The following ITPR2 variants were observed in gnomAD, a reference collection of about 807,000 sequenced individuals.
The protein encoded by ITPR2 is inositol 1,4,5-trisphosphate receptor type 2, also known as inositol 1,4,5-trisphosphate-gated calcium channel ITPR2.
In ITPR2, 207 loss-of-function variants were observed where a neutral mutation model predicts 317.1. That is an observed-to-expected ratio of 0.65 (90% CI 0.58 to 0.73). The LOEUF (loss-of-function observed/expected upper bound fraction) is 0.73, where lower values mean the gene tolerates loss of function less well. Among genes scored for constraint, ITPR2 ranks in the 30% least tolerant of loss-of-function variants. The pLI, the probability that ITPR2 is intolerant of heterozygous loss-of-function variation, is 0.00. For synonymous variants in ITPR2, 1,156 were observed against 1,149.1 expected, an observed-to-expected ratio of 1.01 and a Z score of -0.12; for missense variants, 2,613 against 3,284.0, an observed-to-expected ratio of 0.80 and a Z score of 4.99.
chr12:26,624,859 T>C (rs547034392), intron 23 of ITPR2, among the ~76,000 whole-genome samples: 1 of 152,194 alleles, frequency 6.6e-6, no homozygotes, highest in East Asian at 1.9e-4. Flanking sequence ...GAAAGGAAAT[T>C]TGTATGTCAA....
chr12:26,617,802 G>GGGAA (rs781553966), intron 26 of ITPR2, among the ~76,000 whole-genome samples: 1 of 149,762 alleles, frequency 6.7e-6, no homozygotes, highest in Admixed American at 6.7e-5. Flanking sequence ...AAAGGAAGGA[G>GGGAA]GGAAGGAAGG....
intron 55 of ITPR2, among the ~76,000 whole-genome samples, chr12:26,380,115 T>C (rs1214546567): frequency 1.3e-5 from 2 of 152,210 alleles, no homozygotes; most frequent in African/African-American, 4.8e-5. Context: ...AATCCTTTTA[T>C]CCTCACTTCC....
intron 21 of ITPR2, among the ~76,000 whole-genome samples, chr12:26,635,027 A>G (rs1946835949): frequency 6.6e-6 from 1 of 152,186 alleles, no homozygotes; most frequent in South Asian, 2.1e-4. Flanking sequence ...AAAGACAGGT[A>G]TAGCAAATGC....
At chr12:26,657,551 A>C (rs1320186129) in intron 18 of ITPR2, among the ~76,000 whole-genome samples, 156 bp downstream of exon 18, 7 of 152,232 alleles carry the variant, frequency 4.6e-5, no homozygotes. Flanking sequence ...TTTATTTTGA[A>C]TATTTTAAAC....
At chr12:26,525,233 G>T (rs574277593) in intron 37 of ITPR2, among the ~76,000 whole-genome samples, 36 of 152,276 alleles carry the variant, frequency 2.4e-4, no homozygotes, top group African/African-American at 8.2e-4. Flanking sequence ...TAATATCCCT[G>T]CCAAACTTTC....
chr12:26,568,952 C>T (rs750494608), intron 34 of ITPR2, among the ~76,000 whole-genome samples: 13 of 152,112 alleles, frequency 8.5e-5, no homozygotes, highest in Non-Finnish European at 1.8e-4. Flanking sequence ...GAATAATGCA[C>T]GTAATTTTTA....
At chr12:26,642,781 A>C (rs1436483922) in intron 21 of ITPR2, among the ~76,000 whole-genome samples, 1 of 152,324 alleles carries the variant, frequency 6.6e-6, no homozygotes, top group South Asian at 2.1e-4. Context: ...ACAAGATCTT[A>C]GTCTTGACCC....
At chr12:26,740,897 A>C (rs971604585) in intron 2 of ITPR2, among the ~76,000 whole-genome samples, 6 of 152,238 alleles carry the variant, frequency 3.9e-5, no homozygotes, top group African/African-American at 1.4e-4. Context: ...AAATAAGAAA[A>C]GCTTACTCTA....
chr12:26,540,499 T>C (rs189092330), intron 37 of ITPR2, among the ~76,000 whole-genome samples: 1 of 152,350 alleles, frequency 6.6e-6, no homozygotes, highest in African/African-American at 2.4e-5. Context: ...AATGCCATTT[T>C]TCACCTACAA....
At chr12:26,611,065 A>G (rs1420190018) in intron 26 of ITPR2, among the ~76,000 whole-genome samples, 1 of 152,230 alleles carries the variant, frequency 6.6e-6, no homozygotes, top group Non-Finnish European at 1.5e-5. Flanking sequence ...GTCTCAATAA[A>G]GGGACACACA....
intron 55 of ITPR2, among the ~76,000 whole-genome samples, chr12:26,372,063 A>G (rs1939204265): frequency 6.6e-6 from 1 of 152,150 alleles, no homozygotes; most frequent in Non-Finnish European, 1.5e-5. Flanking sequence ...CTACTCTCTG[A>G]GCTTCAATTA....
At chr12:26,602,526 T>C in intron 27 of ITPR2, 31 bp from the exon 28 acceptor site, 1 of 1,594,476 alleles carries the variant, frequency 6.3e-7, no homozygotes, top group South Asian at 1.1e-5. Context: ...GCATCAAATA[T>C]AATAAATAAC....
chr12:26,792,780 C>T (rs1164956803), intron 1 of ITPR2, among the ~76,000 whole-genome samples: 1 of 152,180 alleles, frequency 6.6e-6, no homozygotes, highest in Non-Finnish European at 1.5e-5. Context: ...GTTCTTTCTT[C>T]TGGGACTATA....
chr12:26,454,486 G>T (rs1320815902), intron 45 of ITPR2, among the ~76,000 whole-genome samples: 3 of 152,154 alleles, frequency 2.0e-5, no homozygotes, highest in African/African-American at 4.8e-5. Flanking sequence ...GATTACAGGC[G>T]TAAGCCACCA....
At chr12:26,371,429 C>T (rs1331171548) in intron 55 of ITPR2, among the ~76,000 whole-genome samples, 1 of 152,134 alleles carries the variant, frequency 6.6e-6, no homozygotes, top group Non-Finnish European at 1.5e-5. Flanking sequence ...ACCAAGACAT[C>T]AAGAGTCCAG....
chr12:26,797,527 T>C (rs1015694056), intron 1 of ITPR2, among the ~76,000 whole-genome samples: 6 of 152,216 alleles, frequency 3.9e-5, no homozygotes, highest in Admixed American at 3.3e-4. Flanking sequence ...CTAAGTGATA[T>C]AGTTCATTTC....
At chr12:26,522,365 G>C (rs1943688378) in intron 37 of ITPR2, among the ~76,000 whole-genome samples, 1 of 152,090 alleles carries the variant, frequency 6.6e-6, no homozygotes, top group South Asian at 2.1e-4. Context: ...CAATCACCTG[G>C]GAAGTTATTT....
At chr12:26,364,705 T>A (rs901837) in intron 55 of ITPR2, among the ~76,000 whole-genome samples, 121,066 of 152,170 alleles carry the variant, frequency 0.8, 48,137 homozygotes, top group Admixed American at 0.83. Flanking sequence ...TACACTGACC[T>A]GCCATCATGT....
At chr12:26,674,992 A>T (rs1374909303) in intron 13 of ITPR2, among the ~76,000 whole-genome samples, 5 of 152,164 alleles carry the variant, frequency 3.3e-5, no homozygotes, top group African/African-American at 1.2e-4. Context: ...CAAAACCACA[A>T]TGAGATATCA....
Sources: gnomAD v4.1 joint callset for allele counts (sites outside exome capture counted in the v4.1 genomes callset) on GRCh38, gnomAD v4.1.1 for gene constraint, MANE v1.5 for transcripts, NCBI Gene and HGNC (gene_info 2026-07-23, HGNC 2026-07-21) for gene names.